Variants in CYTH1 observed in about 807,000 individuals in gnomAD.
The protein encoded by CYTH1 is cytohesin-1.
Under a neutral mutation model 61.8 loss-of-function variants are expected in CYTH1, and 18 were observed. That is an observed-to-expected ratio of 0.29 (90% CI 0.20 to 0.43). The LOEUF (loss-of-function observed/expected upper bound fraction) is 0.43. Ranked by LOEUF, CYTH1 falls within the 20% of genes least tolerant of loss-of-function variation. The probability of loss-of-function intolerance (pLI) is 1.00; values close to 1 mark genes in which losing one functional copy is unlikely to be tolerated. For missense variants in CYTH1, 336 were observed against 510.5 expected, an observed-to-expected ratio of 0.66 and a Z score of 3.29; for synonymous variants, 174 against 184.3, an observed-to-expected ratio of 0.94 and a Z score of 0.45.
intron 1 of CYTH1, among the ~76,000 whole-genome samples, chr17:78,748,665 C>T (rs938381723): frequency 4.6e-5 from 7 of 152,062 alleles, no homozygotes; most frequent in African/African-American, 1.7e-4. Context: ...AAATTCCAGC[C>T]TTAATTCAAG....
intron 11 of CYTH1, chr17:78,691,835 C>A (rs900622562): frequency 1.3e-5 from 2 of 152,532 alleles, no homozygotes; most frequent in African/African-American, 2.4e-5. Context: ...AAGAGATATA[C>A]GTATATAAAA....
chr17:78,731,691 A>G (rs1274225384), intron 1 of CYTH1, among the ~76,000 whole-genome samples: 1 of 151,116 alleles, frequency 6.6e-6, no homozygotes, highest in Non-Finnish European at 1.5e-5. Flanking sequence ...CCGGGAGGCG[A>G]AGCTTGCAGT....
At chr17:78,730,368 A>AC (rs1232397168) in intron 1 of CYTH1, among the ~76,000 whole-genome samples, 1 of 94,742 alleles carries the variant, frequency 1.1e-5, no homozygotes, top group African/African-American at 4.0e-5. Context: ...TACTAAAAAT[A>AC]CAAAAAAAAA....
chr17:78,772,224 A>G (rs979313044), intron 1 of CYTH1, among the ~76,000 whole-genome samples: 1 of 152,164 alleles, frequency 6.6e-6, no homozygotes, highest in Admixed American at 6.5e-5. Flanking sequence ...ATAACAGGAA[A>G]GCAGACTCGA....
intron 7 of CYTH1, among the ~76,000 whole-genome samples, chr17:78,699,685 T>A (rs2092987735): frequency 6.6e-6 from 1 of 152,238 alleles, no homozygotes; most frequent in Non-Finnish European, 1.5e-5. Flanking sequence ...AGATATATAC[T>A]GTAACAAAAC....
At chr17:78,703,411 CAAAAAAAAAA>C (rs67437891) in intron 3 of CYTH1, among the ~76,000 whole-genome samples, 1 of 69,690 alleles carries the variant, frequency 1.4e-5, no homozygotes, top group Non-Finnish European at 2.6e-5. Flanking sequence ...ACTCCGTCTC[CAAAAAAAAAA>C]AAAAAAAAAA....
intron 1 of CYTH1, among the ~76,000 whole-genome samples, chr17:78,768,719 G>A (rs1166083021): frequency 6.6e-6 from 1 of 151,692 alleles, no homozygotes; most frequent in Non-Finnish European, 1.5e-5. Context: ...ATTCCTTAAG[G>A]GTCTCTCCAC....
chr17:78,727,684 G>A (rs1454633299), intron 1 of CYTH1: 5 of 471,124 alleles, frequency 1.1e-5, no homozygotes, highest in East Asian at 6.9e-5. Flanking sequence ...GAGCAGGCAC[G>A]GCCGACCCAA....
rs1365838673 is a variant in CYTH1, at chr17:78,690,480, G to C, written c.891+1937C>G. 3.8e-5 allele frequency among the ~76,000 whole-genome samples: 5 copies of C among 132,892 alleles called. No homozygotes were observed. In the East Asian group the frequency reaches 7.2e-4, roughly 19 times the overall value. The allele number at this position is 132,892 out of a possible 152,430, so 87.2% of individuals were successfully genotyped here. On this transcript the variant is annotated intron_variant, in intron 11 of 13. Coordinates refer to ENST00000446868, the MANE Select transcript of CYTH1 (RefSeq NM_004762.6). ...AGATCACCTGAGGTCAGGAGTTCAAGACCAGCCTGGCCAACATGGTGAAAC... is the reference window on the plus strand; with the variant it reads ...AGATCACCTGAGGTCAGGAGTTCAACACCAGCCTGGCCAACATGGTGAAAC...
At chr17:78,694,632 G>A (rs897269755) in intron 10 of CYTH1, among the ~76,000 whole-genome samples, 1 of 152,078 alleles carries the variant, frequency 6.6e-6, no homozygotes, top group South Asian at 2.1e-4. Context: ...TCGGCACAAA[G>A]GGAACATCAA....
At chr17:78,687,938 C>T (rs2092833346) in intron 11 of CYTH1, among the ~76,000 whole-genome samples, 1 of 152,228 alleles carries the variant, frequency 6.6e-6, no homozygotes, top group Non-Finnish European at 1.5e-5. Context: ...GAGAGCGTCT[C>T]ACTCTGTGTA....
At chr17:78,702,450 C>G in intron 4 of CYTH1, 88 bp downstream of exon 4, 1 of 1,426,094 alleles carries the variant, frequency 7.0e-7, no homozygotes, top group South Asian at 1.2e-5. Context: ...AACTGTAACG[C>G]TTGGAAAAAA....
chr17:78,728,977 G>A (rs1224200005), intron 1 of CYTH1, among the ~76,000 whole-genome samples: 3 of 152,160 alleles, frequency 2.0e-5, no homozygotes, highest in African/African-American at 7.2e-5. Flanking sequence ...ATATTGGTGA[G>A]TCTGCTCATT....
intron 3 of CYTH1, 104 bp downstream of exon 3, chr17:78,708,093 C>T: frequency 8.5e-7 from 1 of 1,174,086 alleles, no homozygotes; most frequent in East Asian, 2.4e-5. Context: ...TAGAAAGACA[C>T]AAAGCTGACT....
intron 1 of CYTH1, among the ~76,000 whole-genome samples, chr17:78,719,870 A>G (rs1229513275): frequency 6.6e-6 from 1 of 152,236 alleles, no homozygotes; most frequent in Non-Finnish European, 1.5e-5. Flanking sequence ...TGGGAAACCA[A>G]TTAAGTTTCC....
At chr17:78,754,301 C>T (rs549043735) in intron 1 of CYTH1, among the ~76,000 whole-genome samples, 1 of 152,242 alleles carries the variant, frequency 6.6e-6, no homozygotes, top group East Asian at 1.9e-4. Flanking sequence ...TTTTACGTGA[C>T]TTTCCCTCAA....
In CYTH1 at chr17:78,734,178, AG is replaced by A. The variant is rs376661567; in HGVS notation, c.23-24447del. Among the ~76,000 whole-genome samples the A allele has an allele frequency of 3.1e-3, 477 of 151,832 alleles. 1 individual carries two copies. The highest frequency in any genetic ancestry group is 0.011 in the African/African-American group (438 of 41,418). On this transcript the variant is annotated intron_variant, in intron 1 of 13. Coordinates refer to ENST00000446868, the MANE Select transcript of CYTH1 (RefSeq NM_004762.6). ...GGCAGGAGAATCGCTTGAACCCAGG[AG>A]GCAGAGGTTGCAGTGAGCCAAGATT...
At chr17:78,698,743 T>A in intron 8 of CYTH1, 77 bp downstream of exon 8, 6 of 1,448,824 alleles carry the variant, frequency 4.1e-6, no homozygotes, top group Non-Finnish European at 5.5e-6. Flanking sequence ...ATGTTTTTTC[T>A]TCCTTCCTAC....
intron 7 of CYTH1, among the ~76,000 whole-genome samples, chr17:78,699,670 C>G (rs2092987612): frequency 6.6e-6 from 1 of 152,172 alleles, no homozygotes; most frequent in Admixed American, 6.5e-5. Context: ...ACATATTTAT[C>G]TCACAGATAT....
Sources: allele counts gnomAD v4.1 joint callset (sites outside exome capture counted in the v4.1 genomes callset), GRCh38; gene constraint gnomAD v4.1.1; transcripts MANE v1.5; gene names NCBI Gene and HGNC (gene_info 2026-07-23, HGNC 2026-07-21).